SQLE: variants seen among roughly 807,000 people sequenced by gnomAD.
SQLE encodes squalene epoxidase, also known as squalene monooxygenase.
SQLE carries 29 observed loss-of-function variants against 60.7 expected under a neutral mutation model. That is an observed-to-expected ratio of 0.48 (90% confidence interval 0.36 to 0.65). The LOEUF is 0.65. SQLE is among the 30% of genes least tolerant of loss of function. The pLI, the probability that SQLE is intolerant of heterozygous loss-of-function variation, is 0.00. For missense variants in SQLE, 605 were observed against 684.1 expected (o/e 0.88, Z 1.29); for synonymous variants, 237 against 246.8 (o/e 0.96, Z 0.37).
chr8:125,013,502 G>A (rs1291136223), intron 7 of SQLE, among the ~76,000 whole-genome samples: 6 of 151,762 alleles, frequency 4.0e-5, no homozygotes, highest in African/African-American at 7.3e-5. Flanking sequence ...ATAGGTGCTC[G>A]CCACCGTGCC....
rs751118895 is a variant in SQLE, at chr8:125,018,137, T to A, written c.1283T>A (p.Ile428Lys). The A allele has an allele frequency of 1.9e-6, 3 of 1,613,900 alleles. No individual in the cohort carries two copies. Among genetic ancestry groups the A allele is most frequent in the Non-Finnish European group, 1.7e-6 (2 of 1,179,832 alleles). ...GGGMTVAFKD[I>K]KLWRKLLKGI... Reference sequence around the variant, plus strand: ...GGAATGACTGTTGCTTTTAAAGATATAAAACTATGGAGAAAACTGCTAAAG... The same window carrying A: ...GGAATGACTGTTGCTTTTAAAGATAAAAAACTATGGAGAAAACTGCTAAAG... Residue 428 changes from isoleucine to lysine, a missense_variant, in exon 8 of 11, where the codon ATA (isoleucine) becomes AAA (lysine). Transcript: ENST00000265896.
At position 125,022,136 on chromosome 8, in the gene SQLE, TA is replaced by T; in HGVS notation, c.*195del. 1 of 378,734 alleles carries T rather than the reference TA, an allele frequency of 2.6e-6. No individual in the cohort carries two copies. The highest frequency in any genetic ancestry group is 3.9e-5 in the East Asian group (1 of 25,890). The allele number at this position is 378,734 out of a possible 1,614,324, so 23.5% of individuals were successfully genotyped here. On this transcript the variant is annotated 3_prime_UTR_variant, in exon 11 of 11. Transcript: ENST00000265896. ...TAAATACATGCTTTAATTTGCAATT[TA>T]AAATGAAGGGGTTAAATAAGTTAGA...
chr8:125,013,262 A>AT (rs1815064524), intron 7 of SQLE, among the ~76,000 whole-genome samples: 1 of 148,604 alleles, frequency 6.7e-6, no homozygotes, highest in Non-Finnish European at 1.5e-5. Context: ...TTTCATGTTT[A>AT]TTTTTTCTTT....
intron 3 of SQLE, 118 bp downstream of exon 3, chr8:125,005,823 TG>T: frequency 1.4e-6 from 1 of 729,646 alleles, no homozygotes; most frequent in Non-Finnish European, 2.0e-6. Flanking sequence ...CTAGAACATA[TG>T]TATATTAAAA....
chr8:125,020,816 C>A lies in SQLE; in HGVS notation c.1477C>A (p.Leu493Ile), dbSNP rs770022866. The change falls in exon 10 of 11, where the codon CTT (leucine) becomes ATT (isoleucine). Residue 493 changes from leucine to isoleucine, a missense_variant. By Grantham distance (5) the Leu-to-Ile change is conservative. Transcript: ENST00000265896. Reference protein sequence around the residue: ...SLHQLRKACFLYFKLGGECVA... With the variant: ...SLHQLRKACFIYFKLGGECVA... Reference sequence around the variant, plus strand: ...GCATCAACTAAGAAAAGCCTGTTTTCTTTATTTCAAACTTGGTGGCGAATG... The same window carrying A: ...GCATCAACTAAGAAAAGCCTGTTTTATTTATTTCAAACTTGGTGGCGAATG... 1.5e-5 allele frequency: 25 copies of A among 1,613,156 alleles called. No individual in the cohort carries two copies. The South Asian group carries it at 2.1e-4, about 13-fold the overall frequency.
At chr8:125,013,110 G>T (rs1273214020) in intron 7 of SQLE, among the ~76,000 whole-genome samples, 1 of 152,090 alleles carries the variant, frequency 6.6e-6, no homozygotes, top group East Asian at 1.9e-4. Flanking sequence ...TAAAATTTAT[G>T]TATTGTTGAG....
intron 9 of SQLE, 172 bp downstream of exon 9, chr8:125,018,899 T>G (rs867849583): frequency 1.9e-5 from 11 of 569,638 alleles, no homozygotes; most frequent in African/African-American, 1.7e-4. Flanking sequence ...AGTTTTAGTT[T>G]TAGTTTGGAA....
At chr8:125,018,916 G>A in intron 9 of SQLE, 189 bp downstream of exon 9, 1 of 544,016 alleles carries the variant, frequency 1.8e-6, no homozygotes, top group Non-Finnish European at 3.2e-6. Context: ...GGAAGGTAGT[G>A]GAATTTCCTT....
chr8:125,018,018 G>T, intron 7 of SQLE, 41 bp from the exon 8 acceptor site: 1 of 1,601,698 alleles, frequency 6.2e-7, no homozygotes, highest in Non-Finnish European at 8.5e-7. Flanking sequence ...TTTGTCTCAA[G>T]GGATGCTCTA....
intron 8 of SQLE, 31 bp downstream of exon 8, chr8:125,018,232 C>CA (rs1195731953): frequency 3.1e-6 from 5 of 1,607,712 alleles, no homozygotes; most frequent in Non-Finnish European, 4.2e-6. Flanking sequence ...AAAAATGTCT[C>CA]AAAATGGATT....
intron 7 of SQLE, among the ~76,000 whole-genome samples, chr8:125,013,570 C>G (rs937962874): frequency 6.6e-6 from 1 of 152,086 alleles, no homozygotes; most frequent in Non-Finnish European, 1.5e-5. Context: ...CCAGGCTGGT[C>G]TCAAACTCCT....
rs1815211553 is a variant in SQLE, at chr8:125,021,833, A to C, written c.1613A>C (p.Glu538Ala). 6.2e-7 allele frequency: 1 copy of C among 1,610,422 alleles called. No homozygotes were observed. The highest frequency in any genetic ancestry group is 1.3e-5 in the African/African-American group (1 of 74,878). ...IYAVYFCFKSEPWITKPRALL... is the reference protein window; with the variant it reads ...IYAVYFCFKSAPWITKPRALL... ...GCCGTGTATTTTTGCTTTAAGTCAG[A>C]ACCTTGGATTACAAAACCTCGAGCC... is the stretch of plus-strand genomic sequence containing the variant. Residue 538 changes from glutamate (E) to alanine (A), a missense_variant, in exon 11 of 11, where the codon GAA (glutamate) becomes GCA (alanine). Transcript: ENST00000265896.
rs6989548 is a variant in SQLE at position 125,020,854 on chromosome 8, T to C, written c.1515T>C (p.Pro505=). The C allele has an allele frequency of 0.031, 50,316 of 1,612,952 alleles. 1,715 individuals are homozygous for C. The highest frequency in any genetic ancestry group is 0.15 in the South Asian group (13,739 of 90,964). The change falls in exon 10 of 11, where the codon CCT becomes CCC. Residue 505 remains proline (P), a synonymous_variant. Transcript: ENST00000265896. ...FKLGGECVAG[P]VGLLSVLSPN... ...TTGGTGGCGAATGTGTTGCGGGTCC[T>C]GTTGGGCTGCTTTCTGTGTAAGTTG... is the stretch of plus-strand genomic sequence containing the variant.
chr8:124,998,724 C>T lies in SQLE; in HGVS notation c.-680C>T, dbSNP rs1365699907. ...CTCTGGGGGCCAGCGAAACGGGAGGCCTCTAAATCTTTAGGTTGGGGCTGC... is the reference window on the plus strand; with the variant it reads ...CTCTGGGGGCCAGCGAAACGGGAGGTCTCTAAATCTTTAGGTTGGGGCTGC... On this transcript the variant is annotated 5_prime_UTR_variant, in exon 1 of 11. Transcript: ENST00000265896. The T allele has an allele frequency of 1.5e-5, 9 of 581,476 alleles. No homozygotes were observed. Among genetic ancestry groups the T allele is most frequent in the Admixed American group, 5.8e-5 (2 of 34,246 alleles). The allele number at this position is 581,476 out of a possible 1,614,324, so 36.0% of individuals were successfully genotyped here. A position where few individuals can be genotyped will look rare whatever the true frequency, so the allele number is the denominator to read the frequency against.
intron 1 of SQLE, chr8:125,000,154 C>T (rs1049740664): frequency 7.3e-6 from 3 of 413,488 alleles, no homozygotes; most frequent in African/African-American, 6.2e-5. Flanking sequence ...GGAGAATGCT[C>T]AACATTTTGA....
In SQLE at chr8:125,016,711, G is replaced by T. The variant is rs1452796486; in HGVS notation, c.1205-1348G>T. Among the ~76,000 whole-genome samples, 3 of 152,096 alleles carry T rather than the reference G, an allele frequency of 2.0e-5. No homozygotes were observed. The highest frequency in any genetic ancestry group is 4.4e-5 in the Non-Finnish European group (3 of 68,014). The stretch of plus-strand genomic sequence containing the variant: ...ATTGATGAGTTAGGTATTTATTGTG[G>T]TCTTCGGAGTCTGGGCTTGTTTGTA... On this transcript the variant is annotated intron_variant, in intron 7 of 10. Transcript: ENST00000265896. The surrounding 1 kb of genome is among the most constrained non-coding windows in gnomAD (Gnocchi z 4.1).
rs2293986 is a variant in SQLE, at chr8:125,018,893, T to G, written c.1444+166T>G. The G allele has an allele frequency of 3.6e-4, 208 of 571,630 alleles. 2 individuals are homozygous for G. The East Asian group carries it at 6.3e-3, about 17-fold the overall frequency. The allele number at this position is 571,630 out of a possible 1,614,324, so 35.4% of individuals were successfully genotyped here. A position where few individuals can be genotyped will look rare whatever the true frequency, so the allele number is the denominator to read the frequency against. On this transcript the variant is annotated intron_variant, in intron 9 of 10. Transcript: ENST00000265896. ...TCCATTTTGAGCAATAGTTGTAGTTTTAGTTTTAGTTTGGAAGGTAGTGGA... is the reference window on the plus strand; with the variant it reads ...TCCATTTTGAGCAATAGTTGTAGTTGTAGTTTTAGTTTGGAAGGTAGTGGA...
At chr8:125,003,529 A>T in intron 2 of SQLE, 101 bp downstream of exon 2, 11 of 1,386,758 alleles carry the variant, frequency 7.9e-6, no homozygotes, top group Non-Finnish European at 9.7e-7. Context: ...TTTTATTTTC[A>T]TTTATAAAAT....
intron 1 of SQLE, among the ~76,000 whole-genome samples, 176 bp from the exon 2 acceptor site, chr8:125,003,000 T>TG (rs1447518130): frequency 6.6e-6 from 1 of 152,262 alleles, no homozygotes; most frequent in Non-Finnish European, 1.5e-5. Flanking sequence ...AATATTTTGA[T>TG]ATCATTGATT....
Sources: gnomAD v4.1 joint callset for allele counts (sites outside exome capture counted in the v4.1 genomes callset) on GRCh38, gnomAD v4.1.1 for gene constraint, Gnocchi (gnomAD v3.1) non-coding constraint, MANE v1.5 for transcripts, NCBI Gene and HGNC (gene_info 2026-07-23, HGNC 2026-07-21) for gene names.